Variants in SPECC1 observed in about 807,000 individuals in gnomAD.
SPECC1 encodes cytospin-B.
A neutral mutation model predicts 104.1 loss-of-function variants in SPECC1; 62 were observed. The observed-to-expected ratio is 0.60, with a 90% CI of 0.49 to 0.74. SPECC1 has a LOEUF of 0.74. SPECC1 is among the 30% of genes least tolerant of loss of function. The pLI, the probability that SPECC1 is intolerant of heterozygous loss-of-function variation, is 0.00. For missense variants in SPECC1, 1,306 were observed against 1,310.5 expected, an observed-to-expected ratio of 1.00 and a Z score of 0.05; for synonymous variants, 513 against 501.6, an observed-to-expected ratio of 1.02 and a Z score of -0.30.
intron 3 of SPECC1, among the ~76,000 whole-genome samples, chr17:20,192,851 T>G (rs1207920080): frequency 6.6e-6 from 1 of 152,224 alleles, no homozygotes; most frequent in Admixed American, 6.5e-5. Context: ...TTATGAAGTT[T>G]CTTGTTTTGT....
At chr17:20,231,880 G>T (rs375500541) in intron 6 of SPECC1, 49 bp downstream of exon 6, 3 of 1,564,408 alleles carry the variant, frequency 1.9e-6, no homozygotes, top group East Asian at 2.2e-5. Context: ...TGAATTACCC[G>T]CTCCGAGGTG....
intron 4 of SPECC1, among the ~76,000 whole-genome samples, chr17:20,222,316 A>G (rs2037930063): frequency 6.6e-6 from 1 of 152,212 alleles, no homozygotes; most frequent in Non-Finnish European, 1.5e-5. Context: ...CCTGGGAGAC[A>G]GAGCGAGATT....
intron 11 of SPECC1, among the ~76,000 whole-genome samples, chr17:20,258,982 T>C (rs1390714716): frequency 6.6e-6 from 1 of 152,248 alleles, no homozygotes; most frequent in African/African-American, 2.4e-5. Context: ...CCCCTTGCAT[T>C]GTGCAACACA....
At chr17:20,091,290 C>T (rs1406515932) in intron 1 of SPECC1, among the ~76,000 whole-genome samples, 1 of 152,184 alleles carries the variant, frequency 6.6e-6, no homozygotes, top group East Asian at 1.9e-4. Context: ...GTCTGGGATT[C>T]CGTCAGCTGC....
rs116014409 is a variant in SPECC1 at position 20,255,521 on chromosome 17, C to T, written c.2681-1930C>T. Among the ~76,000 whole-genome samples the T allele has an allele frequency of 1.6e-3, 246 of 152,342 alleles. 1 individual carries two copies. The highest frequency in any genetic ancestry group is 5.8e-3 in the African/African-American group (240 of 41,574). On this transcript the variant is annotated intron_variant, in intron 10 of 14. Transcript: ENST00000395527. The stretch of plus-strand genomic sequence containing the variant: ...CCTTTGGTAGATAATATTTGTTCTT[C>T]TCTCTGTTCCACTAGCCTTAAAGTT...
chr17:20,191,196 C>T (rs1355383782), intron 3 of SPECC1, among the ~76,000 whole-genome samples: 2 of 152,096 alleles, frequency 1.3e-5, no homozygotes, highest in Non-Finnish European at 2.9e-5. Context: ...GATCCATGTG[C>T]AGGTTTTTGT....
In SPECC1 at chr17:20,239,804, C is replaced by G. The variant is rs138499071; in HGVS notation, c.2352-6122C>G. On this transcript the variant is annotated intron_variant, in intron 7 of 14. Coordinates refer to ENST00000395527, the MANE Select transcript of SPECC1 (RefSeq NM_001243439.2). ...ATACATCCTGAGCAGTAGTGGAGAG[C>G]CTTGATCATATTTTTGCCAATAGGA... Among the ~76,000 whole-genome samples the G allele has an allele frequency of 4.4e-3, 662 of 151,066 alleles. 4 individuals are homozygous for G. The highest frequency in any genetic ancestry group is 0.015 in the African/African-American group (621 of 41,126).
chr17:20,156,251 CG>C lies in SPECC1; in HGVS notation c.283+45694del, dbSNP rs1180627952. 7.4e-6 allele frequency: 10 copies of C among 1,344,162 alleles called. No homozygotes were observed. The South Asian group carries it at 9.3e-5, about 13-fold the overall frequency. The allele number at this position is 1,344,162 out of a possible 1,614,324, so 83.3% of individuals were successfully genotyped here. ...TCCGGAACCAGGTCTGTGCGGCTGG[CG>C]GGGGTCGCGCCGCAGCCGCAACCCC... On this transcript the variant is annotated intron_variant, in intron 3 of 14. Transcript: ENST00000395527.
chr17:20,156,210 C>A (rs775289926), intron 3 of SPECC1: 1 of 1,426,192 alleles, frequency 7.0e-7, no homozygotes, highest in Non-Finnish European at 9.2e-7. Context: ...GGCAACCACT[C>A]AGGACGGCCC....
chr17:20,053,148 TA>T (rs965249019), intron 1 of SPECC1, among the ~76,000 whole-genome samples: 2 of 152,164 alleles, frequency 1.3e-5, no homozygotes, highest in African/African-American at 2.4e-5. Context: ...TTCCTTTCTT[TA>T]AAAAAGAATT....
At position 20,120,254 on chromosome 17, in the gene SPECC1, C is replaced by T. The variant is rs1010291839; in HGVS notation, c.283+9692C>T. 3.3e-5 allele frequency among the ~76,000 whole-genome samples: 5 copies of T among 152,152 alleles called. No individual in the cohort carries two copies. The East Asian group carries it at 5.8e-4, about 18-fold the overall frequency. ...GAAAAAAATTAGCCAAGTGTTGTGG[C>T]GGGTGCCTGTAATCCCAGCTACTTG... On this transcript the variant is annotated intron_variant, in intron 3 of 14. Coordinates refer to ENST00000395527, the MANE Select transcript of SPECC1 (RefSeq NM_001243439.2).
At chr17:20,178,097 T>G (rs1441367475) in intron 3 of SPECC1, among the ~76,000 whole-genome samples, 1 of 152,018 alleles carries the variant, frequency 6.6e-6, no homozygotes, top group African/African-American at 2.4e-5. Context: ...CACTGCTCAC[T>G]GCAGCCTTGA....
rs1236228374 is a variant in SPECC1, at chr17:20,282,967, T to A, written c.2941-13994T>A. 3.9e-5 allele frequency among the ~76,000 whole-genome samples: 6 copies of A among 152,050 alleles called. No individual in the cohort carries two copies. In the East Asian group the frequency reaches 7.7e-4, roughly 20 times the overall value. On this transcript the variant is annotated intron_variant, in intron 12 of 14. Coordinates refer to ENST00000395527, the MANE Select transcript of SPECC1 (RefSeq NM_001243439.2). ...GCTGAGGCAGGAGGATTGCTTGACC[T>A]CGGGAGTTCAAGACCAGCCTGGGCA...
intron 1 of SPECC1, among the ~76,000 whole-genome samples, chr17:20,027,889 G>A (rs569741435): frequency 8.2e-4 from 124 of 152,130 alleles, no homozygotes; most frequent in African/African-American, 2.9e-3. Context: ...TCTTGATGGT[G>A]TCCTTTCCAG....
chr17:20,036,923 T>C (rs756328234), intron 1 of SPECC1, among the ~76,000 whole-genome samples: 12 of 152,208 alleles, frequency 7.9e-5, no homozygotes, highest in Non-Finnish European at 1.2e-4. Context: ...CACCATTAAG[T>C]ATAGGTTAGC....
At chr17:20,198,474 C>T (rs2036186994) in intron 3 of SPECC1, among the ~76,000 whole-genome samples, 1 of 152,202 alleles carries the variant, frequency 6.6e-6, no homozygotes, top group African/African-American at 2.4e-5. Context: ...TTAAGTTTCC[C>T]CTTTTAGGGA....
At chr17:20,275,405 T>G (rs1157500053) in intron 12 of SPECC1, among the ~76,000 whole-genome samples, 2 of 152,210 alleles carry the variant, frequency 1.3e-5, no homozygotes, top group Non-Finnish European at 2.9e-5. Flanking sequence ...AAACCCTGTA[T>G]CATCTGTATA....
intron 7 of SPECC1, 160 bp downstream of exon 7, chr17:20,232,565 T>C: frequency 1.3e-6 from 1 of 789,366 alleles, no homozygotes; most frequent in South Asian, 1.8e-5. Context: ...GAACATTCTG[T>C]ACAGTACCCA....
intron 12 of SPECC1, among the ~76,000 whole-genome samples, chr17:20,262,365 G>T (rs1335325581): frequency 6.6e-6 from 1 of 152,184 alleles, no homozygotes; most frequent in Non-Finnish European, 1.5e-5. Context: ...CAATCTAGTG[G>T]ATAGTGCCAA....
Sources: allele counts gnomAD v4.1 joint callset (sites outside exome capture counted in the v4.1 genomes callset), GRCh38; gene constraint gnomAD v4.1.1; transcripts MANE v1.5; gene names NCBI Gene and HGNC (gene_info 2026-07-23, HGNC 2026-07-21).